The following NXPH1 variants were observed in gnomAD, a reference collection of about 807,000 sequenced individuals.
NXPH1 encodes the protein neurexophilin 1, also known as neurexophilin-1.
In NXPH1, 5 loss-of-function variants were observed where a neutral mutation model predicts 23.7. The observed-to-expected ratio is 0.21, with a 90% confidence interval of 0.11 to 0.44. The LOEUF is 0.44. NXPH1 is among the 20% of genes least tolerant of loss of function. NXPH1 has a pLI of 0.99. For missense variants in NXPH1, 324 were observed against 321.6 expected (o/e 1.01, Z -0.06); for synonymous variants, 144 against 122.2 (o/e 1.18, Z -1.18).
rs1482879784 is a variant in NXPH1 at position 8,752,686 on chromosome 7, T to C, written c.*917T>C. The C allele has an allele frequency of 6.6e-6, 1 of 152,536 alleles. No homozygotes were observed. The highest frequency in any genetic ancestry group is 1.5e-5 in the Non-Finnish European group (1 of 68,022). 9.4% of individuals were successfully genotyped at this position (152,536 alleles called of 1,614,324 possible). A position where few individuals can be genotyped will look rare whatever the true frequency, so the allele number is the denominator to read the frequency against. On this transcript the variant is annotated 3_prime_UTR_variant, in exon 3 of 3. Coordinates refer to ENST00000405863, the MANE Select transcript of NXPH1 (RefSeq NM_152745.3). ...TATGAATGGTTTGTATTGTACATAGTTTAACCAAGTGTTATTTGAGCTGCT... is the reference window on the plus strand; with the variant it reads ...TATGAATGGTTTGTATTGTACATAGCTTAACCAAGTGTTATTTGAGCTGCT...
At chr7:8,655,426 C>G (rs71531404) in intron 2 of NXPH1, among the ~76,000 whole-genome samples, 99,455 of 142,396 alleles carry the variant, frequency 0.7, 34,727 homozygotes, top group East Asian at 0.86. Flanking sequence ...CTCTCTCTCT[C>G]TCTCTCTCTC....
chr7:8,632,232 A>G (rs1460072506), intron 2 of NXPH1, among the ~76,000 whole-genome samples: 2 of 152,206 alleles, frequency 1.3e-5, no homozygotes, highest in Non-Finnish European at 2.9e-5. Flanking sequence ...TGAATTAAGA[A>G]AATCTTATGA....
At chr7:8,737,798 C>T (rs190146566) in intron 2 of NXPH1, among the ~76,000 whole-genome samples, 8 of 152,266 alleles carry the variant, frequency 5.3e-5, no homozygotes, top group African/African-American at 9.6e-5. Flanking sequence ...TTTATTCACA[C>T]GTTCACATAT....
chr7:8,530,330 G>A lies in NXPH1; in HGVS notation c.54+94563G>A, dbSNP rs778962098. ...CCAATATTGAGACCTAAAAAGCAACGTGTTAGAATACAAAGAACATTTCGC... is the reference window on the plus strand; with the variant it reads ...CCAATATTGAGACCTAAAAAGCAACATGTTAGAATACAAAGAACATTTCGC... On this transcript the variant is annotated intron_variant, in intron 2 of 2. Transcript: ENST00000405863. Among the ~76,000 whole-genome samples the A allele has an allele frequency of 2.6e-5, 4 of 152,116 alleles. 1 individual carries two copies. Among genetic ancestry groups the A allele is most frequent in the African/African-American group, 7.2e-5 (3 of 41,420 alleles).
At chr7:8,558,808 C>T (rs1205638484) in intron 2 of NXPH1, among the ~76,000 whole-genome samples, 4 of 151,584 alleles carry the variant, frequency 2.6e-5, no homozygotes, top group African/African-American at 9.7e-5. Context: ...ACCTTTCTTG[C>T]TTGCTTTTCA....
intron 2 of NXPH1, among the ~76,000 whole-genome samples, chr7:8,615,892 T>C (rs921373700): frequency 6.6e-6 from 1 of 151,942 alleles, no homozygotes; most frequent in Non-Finnish European, 1.5e-5. Flanking sequence ...TCTCAGAAAA[T>C]GAAACAGGGA....
intron 2 of NXPH1, among the ~76,000 whole-genome samples, chr7:8,729,635 T>C (rs1780115481): frequency 1.4e-5 from 2 of 138,424 alleles, no homozygotes; most frequent in Admixed American, 7.4e-5. Flanking sequence ...TCAGTTTCCA[T>C]GTAGTTGAGC....
chr7:8,609,597 G>A (rs935630289), intron 2 of NXPH1, among the ~76,000 whole-genome samples: 1 of 152,150 alleles, frequency 6.6e-6, no homozygotes, highest in Non-Finnish European at 1.5e-5. Flanking sequence ...TATGATTGAT[G>A]ACTGTTTGAG....
At chr7:8,581,829 G>A (rs1471655893) in intron 2 of NXPH1, among the ~76,000 whole-genome samples, 2 of 152,142 alleles carry the variant, frequency 1.3e-5, no homozygotes, top group East Asian at 1.9e-4. Context: ...CAGAGAAATT[G>A]CCATTTAAAC....
chr7:8,547,200 A>G (rs1464646606), intron 2 of NXPH1, among the ~76,000 whole-genome samples: 1 of 151,488 alleles, frequency 6.6e-6, no homozygotes, highest in African/African-American at 2.4e-5. Flanking sequence ...ACAGCACACA[A>G]GGTTATTGGA....
intron 2 of NXPH1, among the ~76,000 whole-genome samples, chr7:8,458,401 C>G (rs768906768): frequency 4.2e-4 from 64 of 152,168 alleles, no homozygotes; most frequent in Non-Finnish European, 7.5e-4. Context: ...AATACAGATT[C>G]CTAATATACC....
At chr7:8,437,834 C>T (rs936508859) in intron 2 of NXPH1, among the ~76,000 whole-genome samples, 6 of 152,188 alleles carry the variant, frequency 3.9e-5, no homozygotes, top group African/African-American at 1.4e-4. Context: ...TACCTGAATG[C>T]CTTTTGGCAA....
intron 2 of NXPH1, among the ~76,000 whole-genome samples, chr7:8,526,595 G>A (rs1817865929): frequency 6.6e-6 from 1 of 152,178 alleles, no homozygotes; most frequent in Non-Finnish European, 1.5e-5. Context: ...AGGGACCCAA[G>A]GGGAGGTAAT....
At chr7:8,673,749 C>G (rs1820907154) in intron 2 of NXPH1, among the ~76,000 whole-genome samples, 1 of 151,786 alleles carries the variant, frequency 6.6e-6, no homozygotes, top group Non-Finnish European at 1.5e-5. Flanking sequence ...ACTAAGTGTT[C>G]AATATTAATT....
rs1022519060 is a variant in NXPH1, at chr7:8,696,437, A to G, written c.55-54571A>G. On this transcript the variant is annotated intron_variant, in intron 2 of 2. Transcript: ENST00000405863. ...AACTAAGTAAGCCAGAAAATGCCAT[A>G]TGACAATATTAGGATGAAAATAAAG... 4.6e-5 allele frequency among the ~76,000 whole-genome samples: 7 copies of G among 152,234 alleles called. No individual in the cohort carries two copies. The East Asian group carries it at 9.6e-4, about 21-fold the overall frequency.
chr7:8,740,643 T>G (rs995232434), intron 2 of NXPH1, among the ~76,000 whole-genome samples: 2 of 152,190 alleles, frequency 1.3e-5, no homozygotes, highest in Admixed American at 1.3e-4. Flanking sequence ...AATGCAGCTC[T>G]GTGGTACCTG....
At chr7:8,650,219 G>A (rs1249986710) in intron 2 of NXPH1, among the ~76,000 whole-genome samples, 1 of 152,134 alleles carries the variant, frequency 6.6e-6, no homozygotes, top group Non-Finnish European at 1.5e-5. Context: ...AAATGAATTA[G>A]AAACTTCCAA....
chr7:8,547,778 C>T (rs1480544410), intron 2 of NXPH1, among the ~76,000 whole-genome samples: 2 of 151,424 alleles, frequency 1.3e-5, no homozygotes, highest in African/African-American at 2.4e-5. Context: ...TGAGTGAGTT[C>T]ACTTAGCATA....
intron 2 of NXPH1, among the ~76,000 whole-genome samples, chr7:8,575,237 T>A (rs1000403632): frequency 5.9e-5 from 9 of 152,216 alleles, no homozygotes; most frequent in African/African-American, 2.2e-4. Flanking sequence ...GTTCTCTTTA[T>A]GACACAAAAG....
Sources: gnomAD v4.1 joint callset for allele counts (sites outside exome capture counted in the v4.1 genomes callset) on GRCh38, gnomAD v4.1.1 for gene constraint, MANE v1.5 for transcripts, NCBI Gene and HGNC (gene_info 2026-07-23, HGNC 2026-07-21) for gene names.